NIPSNAP3B: variants seen among roughly 807,000 people sequenced by gnomAD.
NIPSNAP3B encodes protein NipSnap homolog 3B.
Under a neutral mutation model 31.5 loss-of-function variants are expected in NIPSNAP3B, and 30 were observed. The observed-to-expected ratio is 0.95, with a 90% CI of 0.71 to 1.29. NIPSNAP3B has a LOEUF of 1.29. NIPSNAP3B is among the 50% of genes most tolerant of loss of function. NIPSNAP3B has a pLI of 0.00. For missense variants in NIPSNAP3B, 269 were observed against 300.7 expected (o/e 0.89, Z 0.78); for synonymous variants, 106 against 107.9 (o/e 0.98, Z 0.11).
the NIPSNAP3B span, among the ~76,000 whole-genome samples, chr9:104,789,257 C>T: frequency 0.23 from 35,672 of 152,154 alleles, 5,255 homozygotes; most frequent in South Asian, 0.41. Context: ...GCTATACCAA[C>T]CAAATCAGTT....
chr9:104,785,018 C>T, the NIPSNAP3B span, among the ~76,000 whole-genome samples: 21 of 152,210 alleles, frequency 1.4e-4, no homozygotes, highest in South Asian at 1.5e-3. Context: ...TTGGCACATA[C>T]GGTCTTGATT....
Position 104,766,420 on chromosome 9 carries a change from C to A in NIPSNAP3B, c.156C>A (p.Phe52Leu). The A allele has an allele frequency of 6.2e-7, 1 of 1,613,744 alleles. No homozygotes were observed. The highest frequency in any genetic ancestry group is 1.1e-5 in the South Asian group (1 of 91,062). ...TTAAACCTTCAAATATGAATGCGTT[C>A]ATGGAAAATCTTAAGAAAAACATTC... ...YYLKPSNMNA[F>L]MENLKKNIHL... Residue 52 changes from phenylalanine to leucine, a missense_variant, in exon 2 of 6, where the codon TTC becomes TTA. By Grantham distance (22) the Phe-to-Leu change is conservative (BLOSUM62 0). Coordinates refer to ENST00000374762, the MANE Select transcript of NIPSNAP3B (RefSeq NM_018376.4).
the NIPSNAP3B span, chr9:104,786,531 C>A: frequency 1.3e-6 from 1 of 792,216 alleles, no homozygotes; most frequent in Non-Finnish European, 2.2e-6. Flanking sequence ...TGATGCTGTT[C>A]AGTGTAGTGG....
At chr9:104,789,795 CATA>C in the NIPSNAP3B span, among the ~76,000 whole-genome samples, 1 of 152,056 alleles carries the variant, frequency 6.6e-6, no homozygotes, top group African/African-American at 2.4e-5. Flanking sequence ...TATCTCTCCA[CATA>C]ATAAGTCCAG....
intron 1 of NIPSNAP3B, 114 bp downstream of exon 1, chr9:104,764,414 C>T: frequency 1.1e-6 from 1 of 880,526 alleles, no homozygotes; most frequent in Non-Finnish European, 1.6e-6. Flanking sequence ...GGCCCCGCGC[C>T]GCCGCCGAAG....
chr9:104,774,544 C>G lies in NIPSNAP3B; in HGVS notation c.*1471C>G, dbSNP rs1230950019. ...ATTTTGCTTCAGACTGTTATAGTAC[C>G]TTAGGGTTATGAACATCAATTACCT... On this transcript the variant is annotated 3_prime_UTR_variant, in exon 6 of 6. Coordinates refer to ENST00000374762, the MANE Select transcript of NIPSNAP3B (RefSeq NM_018376.4). 1.3e-5 allele frequency among the ~76,000 whole-genome samples: 2 copies of G among 152,112 alleles called. No homozygotes were observed. The highest frequency in any genetic ancestry group is 4.8e-5 in the African/African-American group (2 of 41,420).
downstream of NIPSNAP3B, among the ~76,000 whole-genome samples, chr9:104,779,254 G>A (rs993243141): frequency 1.3e-5 from 2 of 152,132 alleles, no homozygotes; most frequent in African/African-American, 4.8e-5. Context: ...AGATGTGTTT[G>A]TCCACACATC....
chr9:104,779,626 T>G (rs1346116455), downstream of NIPSNAP3B, among the ~76,000 whole-genome samples: 1 of 151,930 alleles, frequency 6.6e-6, no homozygotes, highest in Non-Finnish European at 1.5e-5. Flanking sequence ...AGTGGGTTTT[T>G]TTTTTTTTTT....
intron 4 of NIPSNAP3B, among the ~76,000 whole-genome samples, chr9:104,772,028 T>A (rs1363471531): frequency 6.6e-6 from 1 of 152,222 alleles, no homozygotes; most frequent in African/African-American, 2.4e-5. Context: ...TATGTCTTCT[T>A]TAGAAAAGTG....
downstream of NIPSNAP3B, among the ~76,000 whole-genome samples, chr9:104,780,152 T>C (rs1828443457): frequency 6.6e-6 from 1 of 152,242 alleles, no homozygotes; most frequent in Admixed American, 6.5e-5. Context: ...GAAGAAACAG[T>C]GTTCTATGAT....
the NIPSNAP3B span, chr9:104,785,432 T>G: frequency 1.2e-6 from 2 of 1,614,110 alleles, no homozygotes; most frequent in Non-Finnish European, 1.7e-6. Flanking sequence ...AGTAGTCTTC[T>G]ATGTGGAGTC....
chr9:104,767,683 C>T (rs944054581), intron 2 of NIPSNAP3B, among the ~76,000 whole-genome samples: 1 of 152,026 alleles, frequency 6.6e-6, no homozygotes, highest in African/African-American at 2.4e-5. Flanking sequence ...CATTTATATG[C>T]TTTAGATAAA....
Position 104,764,282 on chromosome 9 carries a change from A to T in NIPSNAP3B, c.42A>T (p.Ser14=). ...GCGGCCTGACCAAGGCGCTTGCCTCACGGACGCTCGCGCCTCAGGTACTGG... is the reference window on the plus strand; with the variant it reads ...GCGGCCTGACCAAGGCGCTTGCCTCTCGGACGCTCGCGCCTCAGGTACTGG... ...LRSGLTKALA[S]RTLAPQVCSS... Residue 14 remains serine (S), a synonymous_variant, in exon 1 of 6, where the codon TCA becomes TCT. Transcript: ENST00000374762. 6.3e-7 allele frequency: 1 copy of T among 1,592,898 alleles called. No individual in the cohort carries two copies.
the NIPSNAP3B span, chr9:104,787,772 A>C: frequency 6.5e-7 from 1 of 1,545,944 alleles, no homozygotes; most frequent in Non-Finnish European, 8.8e-7. Flanking sequence ...CCAAGGGAGA[A>C]GCTTCCCTCT....
the NIPSNAP3B span, chr9:104,784,488 A>G: frequency 1.4e-5 from 22 of 1,613,504 alleles, no homozygotes; most frequent in Admixed American, 2.0e-4. Flanking sequence ...CTTTATAAAT[A>G]CCACTCAACT....
the NIPSNAP3B span, chr9:104,785,333 G>T: frequency 2.5e-6 from 4 of 1,601,764 alleles, no homozygotes; most frequent in Admixed American, 5.0e-5. Flanking sequence ...ACCTATGGGC[G>T]GGAGTGTCGG....
chr9:104,767,389 A>G (rs1453226633), intron 2 of NIPSNAP3B, among the ~76,000 whole-genome samples: 3 of 152,160 alleles, frequency 2.0e-5, no homozygotes, highest in Non-Finnish European at 2.9e-5. Context: ...AAGAATCCCC[A>G]GAATGTTTGT....
chr9:104,779,469 G>A (rs770425891), downstream of NIPSNAP3B, among the ~76,000 whole-genome samples: 54 of 152,098 alleles, frequency 3.6e-4, no homozygotes, highest in Non-Finnish European at 8.8e-5. Context: ...TCTGCCACTT[G>A]ACTGAACCTG....
chr9:104,776,036 G>T lies in NIPSNAP3B; in HGVS notation c.*2963G>T, dbSNP rs1476770341. Among the ~76,000 whole-genome samples the T allele has an allele frequency of 6.6e-6, 1 of 152,040 alleles. No individual in the cohort carries two copies. The highest frequency in any genetic ancestry group is 2.4e-5 in the African/African-American group (1 of 41,374). On this transcript the variant is annotated 3_prime_UTR_variant, in exon 6 of 6. Transcript: ENST00000374762. ...TCAGAATAATCTAAAATATAAACCAGATCATATCACTCCTCTGCTCAACAC... is the reference window on the plus strand; with the variant it reads ...TCAGAATAATCTAAAATATAAACCATATCATATCACTCCTCTGCTCAACAC...
Sources: gnomAD v4.1 joint callset for allele counts (sites outside exome capture counted in the v4.1 genomes callset) on GRCh38, gnomAD v4.1.1 for gene constraint, MANE v1.5 for transcripts, NCBI Gene and HGNC (gene_info 2026-07-23, HGNC 2026-07-21) for gene names.